Variants in CAP2 observed in about 807,000 individuals in gnomAD.
The protein encoded by CAP2 is adenylyl cyclase-associated protein 2.
In CAP2, 24 loss-of-function variants were observed where a neutral mutation model predicts 57.7. The ratio of observed to expected loss-of-function variants is 0.42; its 90% CI spans 0.30 to 0.58. CAP2 has a LOEUF of 0.58. Ranked by LOEUF, CAP2 falls within the 20% of genes least tolerant of loss-of-function variation. The pLI, the probability that CAP2 is intolerant of heterozygous loss-of-function variation, is 0.22. For missense variants in CAP2, 501 were observed against 590.3 expected (o/e 0.85, Z 1.57); for synonymous variants, 194 against 207.2 (o/e 0.94, Z 0.55).
chr6:17,445,308 C>T (rs1760226391), intron 3 of CAP2, among the ~76,000 whole-genome samples: 2 of 152,150 alleles, frequency 1.3e-5, no homozygotes, highest in African/African-American at 4.8e-5. Flanking sequence ...GGTTTCACCA[C>T]GTTGGCCAGG....
intron 1 of CAP2, among the ~76,000 whole-genome samples, chr6:17,416,377 T>C (rs888731570): frequency 2.0e-5 from 3 of 152,162 alleles, no homozygotes; most frequent in Non-Finnish European, 2.9e-5. Context: ...ATTATGACCA[T>C]GTTCCAGACT....
intron 3 of CAP2, among the ~76,000 whole-genome samples, chr6:17,438,349 G>A (rs1759960163): frequency 2.5e-5 from 2 of 81,060 alleles, no homozygotes; most frequent in South Asian, 7.1e-4. Context: ...CTGGGCGAAA[G>A]AACGAGATTC....
rs1208356665 is a variant in CAP2, at chr6:17,421,559, G to A, written c.4G>A (p.Ala2Thr). 1.9e-6 allele frequency: 3 copies of A among 1,614,128 alleles called. No homozygotes were observed. The highest frequency in any genetic ancestry group is 2.2e-5 in the South Asian group (2 of 91,074). M[A>T]NMQGLVERLE... ...TTTGTGCCTGTGCTTTTCTAGAATG[G>A]CCAACATGCAGGGACTGGTGGAAAG... The change falls in exon 2 of 13, where the codon GCC (alanine) becomes ACC (threonine). Residue 2 changes from alanine to threonine, a missense_variant. By Grantham distance (58) the Ala-to-Thr change is moderately conservative. Coordinates refer to ENST00000229922, the MANE Select transcript of CAP2 (RefSeq NM_006366.3).
intron 7 of CAP2, among the ~76,000 whole-genome samples, chr6:17,518,194 C>T (rs1480423365): frequency 6.6e-6 from 1 of 152,052 alleles, no homozygotes. Flanking sequence ...AAATATATTT[C>T]CTGATTTTTT....
intron 3 of CAP2, among the ~76,000 whole-genome samples, chr6:17,441,427 A>G (rs568110297): frequency 6.6e-6 from 1 of 151,748 alleles, no homozygotes; most frequent in Non-Finnish European, 1.5e-5. Context: ...TCTTAAGACC[A>G]TTGTATGTAC....
In CAP2 at chr6:17,455,128, C is replaced by T. The variant is rs568717401; in HGVS notation, c.223-7868C>T. Among the ~76,000 whole-genome samples the T allele has an allele frequency of 5.3e-5, 8 of 152,206 alleles. No individual in the cohort carries two copies. In the East Asian group the frequency reaches 7.7e-4, roughly 15 times the overall value. On this transcript the variant is annotated intron_variant, in intron 3 of 12. Transcript: ENST00000229922. ...ATTGGTCTCAGCTGGCACCAAGGAA[C>T]GGCAATCTCCCAATAAATAGGAAAA...
chr6:17,543,321 A>G (rs1482674403), intron 11 of CAP2, among the ~76,000 whole-genome samples, 178 bp downstream of exon 11: 1 of 152,100 alleles, frequency 6.6e-6, no homozygotes, highest in Non-Finnish European at 1.5e-5. Context: ...CTCTGCCTCC[A>G]AGAAGCAGCC....
chr6:17,418,168 A>C (rs1021855094), intron 1 of CAP2, among the ~76,000 whole-genome samples: 13 of 152,142 alleles, frequency 8.5e-5, no homozygotes, highest in Non-Finnish European at 1.5e-4. Context: ...GAGAGTTTGG[A>C]GAGAAGGCGG....
At chr6:17,446,033 G>T (rs554343448) in intron 3 of CAP2, among the ~76,000 whole-genome samples, 1 of 151,980 alleles carries the variant, frequency 6.6e-6, no homozygotes, top group South Asian at 2.1e-4. Context: ...ACTATACTTC[G>T]TATTTCAGTT....
At chr6:17,401,699 T>G (rs1758820868) in intron 1 of CAP2, among the ~76,000 whole-genome samples, 1 of 152,208 alleles carries the variant, frequency 6.6e-6, no homozygotes, top group Admixed American at 6.5e-5. Context: ...ACAATGCAGA[T>G]CCACAATTAT....
chr6:17,427,323 C>CAG (rs994071568), intron 3 of CAP2, among the ~76,000 whole-genome samples: 1 of 152,144 alleles, frequency 6.6e-6, no homozygotes, highest in South Asian at 2.1e-4. Flanking sequence ...CTCCTTCCCA[C>CAG]TGTGATGGGA....
chr6:17,553,214 A>G (rs997804472), intron 12 of CAP2, among the ~76,000 whole-genome samples: 4 of 152,214 alleles, frequency 2.6e-5, no homozygotes, highest in African/African-American at 4.8e-5. Context: ...GCTGGAATCT[A>G]TGGGCGTGGG....
At chr6:17,431,802 C>G (rs1759744933) in intron 3 of CAP2, among the ~76,000 whole-genome samples, 1 of 152,070 alleles carries the variant, frequency 6.6e-6, no homozygotes, top group Admixed American at 6.6e-5. Context: ...CTCTCAATAG[C>G]CCATGCACCT....
intron 4 of CAP2, among the ~76,000 whole-genome samples, chr6:17,499,227 C>T (rs1017045202): frequency 2.0e-5 from 3 of 150,500 alleles, no homozygotes; most frequent in Non-Finnish European, 4.4e-5. Context: ...GGTGAAACCC[C>T]GTCTCTACTA....
At chr6:17,547,519 G>A (rs1403696225) in intron 11 of CAP2, among the ~76,000 whole-genome samples, 1 of 152,194 alleles carries the variant, frequency 6.6e-6, no homozygotes, top group Non-Finnish European at 1.5e-5. Flanking sequence ...AATTCCTCCT[G>A]TCATTGCTTC....
At chr6:17,518,730 T>C (rs1002711950) in intron 7 of CAP2, among the ~76,000 whole-genome samples, 11 of 152,052 alleles carry the variant, frequency 7.2e-5, no homozygotes, top group African/African-American at 2.4e-5. Flanking sequence ...CTTGACCTCT[T>C]GGACTCTAAT....
At chr6:17,470,746 G>C (rs1250111075) in intron 4 of CAP2, among the ~76,000 whole-genome samples, 1 of 152,168 alleles carries the variant, frequency 6.6e-6, no homozygotes, top group Non-Finnish European at 1.5e-5. Context: ...TAACAGATTT[G>C]GTGAGCATTT....
At chr6:17,452,497 A>G (rs1281948689) in intron 3 of CAP2, among the ~76,000 whole-genome samples, 1 of 152,226 alleles carries the variant, frequency 6.6e-6, no homozygotes, top group Non-Finnish European at 1.5e-5. Flanking sequence ...GTCATAGCAA[A>G]GAAACATTCC....
chr6:17,427,945 A>G (rs1053995691), intron 3 of CAP2, among the ~76,000 whole-genome samples: 7 of 152,238 alleles, frequency 4.6e-5, no homozygotes, highest in South Asian at 2.1e-4. Flanking sequence ...AGGGCGGTCA[A>G]ATTTGTGGAG....
Sources: gnomAD v4.1 joint callset for allele counts (sites outside exome capture counted in the v4.1 genomes callset) on GRCh38, gnomAD v4.1.1 for gene constraint, MANE v1.5 for transcripts, NCBI Gene and HGNC (gene_info 2026-07-23, HGNC 2026-07-21) for gene names.